The following SPECC1L variants were observed in gnomAD, a reference collection of about 807,000 sequenced individuals.
SPECC1L encodes the protein cytospin-A.
In SPECC1L, 40 loss-of-function variants were observed where a neutral mutation model predicts 116.8. That is an observed-to-expected ratio of 0.34 (90% CI 0.27 to 0.45). SPECC1L has a LOEUF of 0.45. Among genes scored for constraint, SPECC1L ranks in the 20% least tolerant of loss-of-function variants. The probability of loss-of-function intolerance (pLI) is 1.00; values close to 1 mark genes in which losing one functional copy is unlikely to be tolerated. For synonymous variants in SPECC1L, 504 were observed against 500.6 expected (o/e 1.01, Z -0.09); for missense variants, 1,110 against 1,373.6 (o/e 0.81, Z 3.03).
intron 14 of SPECC1L, among the ~76,000 whole-genome samples, chr22:24,377,511 C>T (rs2041994376): frequency 6.6e-6 from 1 of 152,130 alleles, no homozygotes; most frequent in African/African-American, 2.4e-5. Context: ...AGCCTACTAC[C>T]AAAGTGTTTT....
At chr22:24,336,971 T>C (rs1456260173) in intron 9 of SPECC1L, among the ~76,000 whole-genome samples, 1 of 152,232 alleles carries the variant, frequency 6.6e-6, no homozygotes, top group Non-Finnish European at 1.5e-5. Flanking sequence ...TGATTTTGCC[T>C]AACTGTAGGC....
rs28649670 is a variant in SPECC1L, at chr22:24,302,367, G to A, written c.136G>A (p.Ala46Thr). The A allele has an allele frequency of 1.9e-6, 3 of 1,614,162 alleles. No homozygotes were observed. The highest frequency in any genetic ancestry group is 2.2e-5 in the East Asian group (1 of 44,890). Residue 46 changes from alanine to threonine, a missense_variant, in exon 3 of 17, where the codon GCA (alanine) becomes ACA (threonine). Ala to Thr is a moderately conservative substitution (Grantham distance 58). Transcript: ENST00000314328. ...AGGCAAACTTGTAAAACCTGGAACA[G>A]CAGCATCATTGTCAAAGGTATTCAT... Reference protein sequence around the residue: ...TGGKLVKPGTAASLSKTKSSD... With the variant: ...TGGKLVKPGTTASLSKTKSSD...
At chr22:24,331,521 T>G (rs962909320) in intron 8 of SPECC1L, among the ~76,000 whole-genome samples, 3 of 152,234 alleles carry the variant, frequency 2.0e-5, no homozygotes, top group African/African-American at 7.2e-5. Context: ...TGTTAAAGTT[T>G]CATTCCTTTG....
At chr22:24,326,579 T>C (rs2040825635) in intron 6 of SPECC1L, among the ~76,000 whole-genome samples, 1 of 152,252 alleles carries the variant, frequency 6.6e-6, no homozygotes, top group Admixed American at 6.5e-5. Context: ...TTTAATCTTT[T>C]GCTTATGAAG....
intron 8 of SPECC1L, 76 bp downstream of exon 8, chr22:24,330,507 A>G (rs2040916332): frequency 6.7e-7 from 1 of 1,499,664 alleles, no homozygotes; most frequent in Non-Finnish European, 9.3e-7. Flanking sequence ...ATGTGGTGCT[A>G]TGGAAAAAAT....
intron 2 of SPECC1L, among the ~76,000 whole-genome samples, chr22:24,277,870 G>A (rs2048867488): frequency 6.6e-6 from 1 of 152,176 alleles, no homozygotes; most frequent in Non-Finnish European, 1.5e-5. Context: ...ATTTTTGTGT[G>A]GACATATCCT....
Position 24,322,530 on chromosome 22 carries a change from G to A in SPECC1L, c.1550G>A (p.Ser517Asn), listed in dbSNP as rs1442239606. Residue 517 changes from serine to asparagine, a missense_variant, in exon 5 of 17, where the codon AGC becomes AAC. Ser to Asn is a conservative substitution (Grantham distance 46). This residue lies in a region of SPECC1L where 575 missense variants were observed against 682.4 expected (regional missense o/e 0.84). Transcript: ENST00000314328. Reference sequence around the variant, plus strand: ...CTTCTTGGTGTCCAGCAGCATTTAAGCAATACTTTGAAAATGGCAGAACAA... The same window carrying A: ...CTTCTTGGTGTCCAGCAGCATTTAAACAATACTTTGAAAATGGCAGAACAA... The part of the protein sequence containing the change: ...EQLLGVQQHL[S>N]NTLKMAEQDN... 6.2e-7 allele frequency: 1 copy of A among 1,614,138 alleles called. No individual in the cohort carries two copies.
At chr22:24,275,014 T>A (rs577222291) in intron 1 of SPECC1L, among the ~76,000 whole-genome samples, 6 of 152,354 alleles carry the variant, frequency 3.9e-5, no homozygotes, top group Non-Finnish European at 7.3e-5. Context: ...TCATGTCCCT[T>A]GTTTTCCTCC....
chr22:24,311,241 A>T (rs1233434288), intron 3 of SPECC1L, among the ~76,000 whole-genome samples: 1 of 152,230 alleles, frequency 6.6e-6, no homozygotes, highest in Non-Finnish European at 1.5e-5. Flanking sequence ...GTCCACTTTG[A>T]CATGACAATG....
chr22:24,354,242 G>T (rs2041482786), intron 11 of SPECC1L, among the ~76,000 whole-genome samples: 1 of 152,200 alleles, frequency 6.6e-6, no homozygotes, highest in Admixed American at 6.5e-5. Flanking sequence ...GGAGGGGACA[G>T]ACACCTAGAC....
chr22:24,303,871 G>GTT (rs1569412542), intron 3 of SPECC1L, among the ~76,000 whole-genome samples: 2 of 150,890 alleles, frequency 1.3e-5, no homozygotes, highest in African/African-American at 4.9e-5. Context: ...GTGTGTGTGT[G>GTT]TGTGTGTGTG....
At chr22:24,315,052 A>T (rs2040534401) in intron 4 of SPECC1L, among the ~76,000 whole-genome samples, 1 of 152,268 alleles carries the variant, frequency 6.6e-6, no homozygotes, top group Non-Finnish European at 1.5e-5. Context: ...CTTCTAGTAA[A>T]CATAAGATCA....
At chr22:24,338,731 G>T (rs192939332) in intron 10 of SPECC1L, among the ~76,000 whole-genome samples, 5 of 152,334 alleles carry the variant, frequency 3.3e-5, no homozygotes, top group African/African-American at 1.2e-4. Context: ...GTTCTACACT[G>T]TTCTGAATAC....
intron 14 of SPECC1L, among the ~76,000 whole-genome samples, chr22:24,408,896 A>C (rs1601366926): frequency 6.6e-6 from 1 of 152,262 alleles, no homozygotes; most frequent in South Asian, 2.1e-4. Flanking sequence ...GTGTAAGGAC[A>C]CCTGCCTAGA....
chr22:24,331,309 C>T (rs916054712), intron 8 of SPECC1L, among the ~76,000 whole-genome samples: 11 of 152,294 alleles, frequency 7.2e-5, no homozygotes, highest in African/African-American at 2.4e-4. Context: ...TTATCATTGC[C>T]TTGCTCTAGT....
At chr22:24,297,804 T>G (rs201765259) in intron 2 of SPECC1L, among the ~76,000 whole-genome samples, 3,592 of 151,876 alleles carry the variant, frequency 0.024, 83 homozygotes, top group South Asian at 0.11. Context: ...GTCCGATGTA[T>G]CCATGCTGTG....
intron 11 of SPECC1L, among the ~76,000 whole-genome samples, chr22:24,353,967 A>G (rs954792443): frequency 8.5e-5 from 13 of 152,352 alleles, no homozygotes; most frequent in African/African-American, 3.1e-4. Context: ...TGCAGGCTGT[A>G]TAGGAGGCAT....
intron 16 of SPECC1L, among the ~76,000 whole-genome samples, chr22:24,413,117 G>A (rs556651701): frequency 6.6e-6 from 1 of 152,352 alleles, no homozygotes; most frequent in South Asian, 2.1e-4. Context: ...TTCATCTAGA[G>A]CGAGAGGGCA....
At position 24,330,439 on chromosome 22, in the gene SPECC1L, C is replaced by T. The variant is rs761715110; in HGVS notation, c.2396+8C>T. On this transcript the variant is annotated splice_region_variant and intron_variant, in intron 8 of 16. Transcript: ENST00000314328. ...GGAAATAAAGTCACGCAAGTAAGTT[C>T]TGAGAAACCTGTTGTGTACTTATGT... 1 of 1,614,016 alleles carries T rather than the reference C, an allele frequency of 6.2e-7. No homozygotes were observed. Among genetic ancestry groups the T allele is most frequent in the South Asian group, 1.1e-5 (1 of 91,062 alleles).
Sources: gnomAD v4.1 joint callset for allele counts (sites outside exome capture counted in the v4.1 genomes callset) on GRCh38, gnomAD v4.1.1 for gene constraint, gnomAD v4.1.1 regional missense constraint, MANE v1.5 for transcripts, NCBI Gene and HGNC (gene_info 2026-07-23, HGNC 2026-07-21) for gene names.